The following OPCML variants were observed in gnomAD, a reference collection of about 807,000 sequenced individuals.
The protein encoded by OPCML is opioid-binding protein/cell adhesion molecule.
Under a neutral mutation model 37.8 loss-of-function variants are expected in OPCML, and 13 were observed. The ratio of observed to expected loss-of-function variants is 0.34; its 90% CI spans 0.22 to 0.55. The LOEUF (loss-of-function observed/expected upper bound fraction) is 0.55, where lower values mean the gene tolerates loss of function less well. Among genes scored for constraint, OPCML ranks in the 20% least tolerant of loss-of-function variants. OPCML has a pLI of 0.91. For missense variants in OPCML, 341 were observed against 435.6 expected, an observed-to-expected ratio of 0.78 and a Z score of 1.93; for synonymous variants, 176 against 168.8, an observed-to-expected ratio of 1.04 and a Z score of -0.33.
intron 3 of OPCML, among the ~76,000 whole-genome samples, chr11:132,638,461 A>G (rs1220899358): frequency 6.6e-6 from 1 of 152,146 alleles, no homozygotes; most frequent in African/African-American, 2.4e-5. Context: ...CCACACTTGT[A>G]AAACTAATCA....
chr11:132,754,953 G>A (rs1366223975), intron 2 of OPCML, among the ~76,000 whole-genome samples: 1 of 152,156 alleles, frequency 6.6e-6, no homozygotes, highest in Admixed American at 6.5e-5. Flanking sequence ...AAGAAGTGGG[G>A]CTGAAGACCA....
In OPCML at chr11:133,111,962, T is replaced by C. The variant is rs371277048; in HGVS notation, c.62-168952A>G. Among the ~76,000 whole-genome samples the C allele has an allele frequency of 4.6e-5, 7 of 152,338 alleles. No individual in the cohort carries two copies. The East Asian group carries it at 7.7e-4, about 17-fold the overall frequency. ...GCCAATCAAGGGCAGCAGTGAAGGA[T>C]ATTATTTTTTTCTTAAAATGTTGTT... On this transcript the variant is annotated intron_variant, in intron 1 of 7. Transcript: ENST00000524381.
At chr11:132,987,463 GA>G (rs758401529) in intron 1 of OPCML, among the ~76,000 whole-genome samples, 4 of 152,158 alleles carry the variant, frequency 2.6e-5, no homozygotes, top group Non-Finnish European at 5.9e-5. Context: ...CAGAAATAAG[GA>G]TGCAGAGGTA....
chr11:133,013,700 G>A (rs955640768), intron 1 of OPCML, among the ~76,000 whole-genome samples: 1 of 152,166 alleles, frequency 6.6e-6, no homozygotes, highest in Non-Finnish European at 1.5e-5. Flanking sequence ...GTATTACGTA[G>A]GACAGTAAGT....
At chr11:133,362,511 A>G (rs1055104488) in intron 1 of OPCML, among the ~76,000 whole-genome samples, 5 of 152,192 alleles carry the variant, frequency 3.3e-5, no homozygotes, top group African/African-American at 1.2e-4. Flanking sequence ...TGTCCTACAA[A>G]GAGGATTATT....
At chr11:132,918,792 G>A (rs1310513455) in intron 2 of OPCML, among the ~76,000 whole-genome samples, 1 of 148,044 alleles carries the variant, frequency 6.8e-6, no homozygotes, top group Non-Finnish European at 1.5e-5. Context: ...TAAAGCACCA[G>A]GGTTGAAAAA....
intron 1 of OPCML, among the ~76,000 whole-genome samples, chr11:133,002,711 T>G (rs1947029441): frequency 6.7e-6 from 1 of 148,850 alleles, no homozygotes; most frequent in African/African-American, 2.5e-5. Context: ...TGTGAATGTG[T>G]ATAGGGAGAA....
chr11:133,445,735 G>T lies in OPCML; in HGVS notation c.61+86529C>A, dbSNP rs372693224. ...TGGCTAAGAAAGTTGTCCTTGAACT[G>T]GCTTTCTATGCACTCCAGAGTACAT... On this transcript the variant is annotated intron_variant, in intron 1 of 7. Coordinates refer to ENST00000524381, the MANE Select transcript of OPCML (RefSeq NM_001012393.5). Among the ~76,000 whole-genome samples the T allele has an allele frequency of 3.5e-4, 54 of 152,240 alleles. 1 individual carries two copies. The highest frequency in any genetic ancestry group is 2.7e-3 in the East Asian group (14 of 5,186).
chr11:133,520,949 G>A (rs1005603076), intron 1 of OPCML, among the ~76,000 whole-genome samples: 5 of 152,178 alleles, frequency 3.3e-5, no homozygotes, highest in African/African-American at 4.8e-5. Flanking sequence ...GAATGCAGGA[G>A]TTCCCTGGAT....
At chr11:132,750,071 CG>C (rs1322604869) in intron 2 of OPCML, among the ~76,000 whole-genome samples, 3 of 151,880 alleles carry the variant, frequency 2.0e-5, no homozygotes, top group Non-Finnish European at 4.4e-5. Flanking sequence ...TTAGTAAAGA[CG>C]GGGTTTTGCC....
At chr11:132,688,146 G>T (rs1302595901) in intron 2 of OPCML, among the ~76,000 whole-genome samples, 1 of 151,424 alleles carries the variant, frequency 6.6e-6, no homozygotes, top group Non-Finnish European at 1.5e-5. Context: ...AATAATTCCG[G>T]CTTTTCTGTT....
chr11:132,729,428 G>A (rs1945000916), intron 2 of OPCML, among the ~76,000 whole-genome samples: 1 of 152,106 alleles, frequency 6.6e-6, no homozygotes, highest in African/African-American at 2.4e-5. Flanking sequence ...GTTGGACAAA[G>A]GTTAAACGGG....
At chr11:133,523,314 C>A (rs1027783128) in intron 1 of OPCML, among the ~76,000 whole-genome samples, 1 of 151,940 alleles carries the variant, frequency 6.6e-6, no homozygotes, top group African/African-American at 2.4e-5. Flanking sequence ...AACCTGAGGA[C>A]GGACGCTCTT....
intron 1 of OPCML, among the ~76,000 whole-genome samples, chr11:133,075,426 G>A (rs1218822027): frequency 6.6e-6 from 1 of 152,216 alleles, no homozygotes; most frequent in African/African-American, 2.4e-5. Context: ...TCTTCTGACA[G>A]CTTTCTAGAG....
chr11:133,321,087 G>C (rs1202433794), intron 1 of OPCML, among the ~76,000 whole-genome samples: 1 of 152,262 alleles, frequency 6.6e-6, no homozygotes. Flanking sequence ...CTGAAGACTG[G>C]TGACCAGAAC....
intron 1 of OPCML, among the ~76,000 whole-genome samples, chr11:133,162,704 T>C (rs904858374): frequency 6.6e-6 from 1 of 151,574 alleles, no homozygotes; most frequent in African/African-American, 2.4e-5. Context: ...AGGGTCCCTG[T>C]TTGTGTCAGC....
chr11:133,050,941 C>A (rs907017854), intron 1 of OPCML, among the ~76,000 whole-genome samples: 1 of 151,992 alleles, frequency 6.6e-6, no homozygotes, highest in Non-Finnish European at 1.5e-5. Context: ...CTCAAACTTG[C>A]GAGACACCCA....
intron 1 of OPCML, among the ~76,000 whole-genome samples, chr11:133,256,111 T>C (rs1332540807): frequency 1.3e-5 from 2 of 152,240 alleles, no homozygotes; most frequent in African/African-American, 2.4e-5. Context: ...TGGGATGGCT[T>C]CTAAAGTTTT....
At chr11:132,666,724 G>C (rs1315054752) in intron 2 of OPCML, among the ~76,000 whole-genome samples, 1 of 152,192 alleles carries the variant, frequency 6.6e-6, no homozygotes, top group Non-Finnish European at 1.5e-5. Context: ...GCAGCCATGT[G>C]GGGTCTGGGA....
Sources: gnomAD v4.1 joint callset for allele counts (sites outside exome capture counted in the v4.1 genomes callset) on GRCh38, gnomAD v4.1.1 for gene constraint, MANE v1.5 for transcripts, NCBI Gene and HGNC (gene_info 2026-07-23, HGNC 2026-07-21) for gene names.